CCDC91: variants seen among roughly 807,000 people sequenced by gnomAD.
CCDC91 encodes coiled-coil domain-containing protein 91.
In CCDC91, 48 loss-of-function variants were observed where a neutral mutation model predicts 63.2. That is an observed-to-expected ratio of 0.76 (90% CI 0.60 to 0.97). The LOEUF is 0.97. Among genes scored for constraint, CCDC91 ranks in the 50% least tolerant of loss-of-function variants. The pLI is 0.00. For missense variants in CCDC91, 500 were observed against 494.6 expected (o/e 1.01, Z -0.10); for synonymous variants, 167 against 165.8 (o/e 1.01, Z -0.06).
At chr12:28,496,910 CAT>C (rs959098468) in intron 12 of CCDC91, among the ~76,000 whole-genome samples, 3 of 145,160 alleles carry the variant, frequency 2.1e-5, no homozygotes, top group Admixed American at 1.4e-4. Flanking sequence ...TATATACACA[CAT>C]ATATAAGGTA....
At chr12:28,260,831 G>C (rs1946775331) in intron 3 of CCDC91, among the ~76,000 whole-genome samples, 1 of 151,946 alleles carries the variant, frequency 6.6e-6, no homozygotes, top group Non-Finnish European at 1.5e-5. Flanking sequence ...AATGGATAGG[G>C]AGAGCTGGGA....
chr12:28,398,015 A>T (rs1414425480), intron 8 of CCDC91, among the ~76,000 whole-genome samples: 2 of 152,130 alleles, frequency 1.3e-5, no homozygotes, highest in African/African-American at 4.8e-5. Flanking sequence ...TAGGTTATAT[A>T]TTTATTCTGT....
intron 12 of CCDC91, among the ~76,000 whole-genome samples, chr12:28,525,145 G>C (rs909409479): frequency 2.6e-5 from 4 of 151,910 alleles, no homozygotes; most frequent in Non-Finnish European, 4.4e-5. Context: ...TGCTGGGTTT[G>C]GGTTTGGTTT....
At chr12:28,283,218 G>A (rs952754362) in intron 3 of CCDC91, among the ~76,000 whole-genome samples, 6 of 119,350 alleles carry the variant, frequency 5.0e-5, no homozygotes, top group African/African-American at 1.3e-4. Flanking sequence ...TGAATTTTAG[G>A]ATTTTTTTTT....
At chr12:28,478,546 G>C (rs1951250850) in intron 11 of CCDC91, among the ~76,000 whole-genome samples, 1 of 152,100 alleles carries the variant, frequency 6.6e-6, no homozygotes, top group South Asian at 2.1e-4. Flanking sequence ...CAGGACATAG[G>C]CATGGGCAAG....
intron 1 of CCDC91, among the ~76,000 whole-genome samples, chr12:28,214,599 T>G (rs771345560): frequency 9.3e-5 from 14 of 151,034 alleles, no homozygotes; most frequent in Non-Finnish European, 1.3e-4. Context: ...GTGTGTGTGT[T>G]TGTTTTCTGT....
chr12:28,366,463 G>T (rs1435424030), intron 7 of CCDC91, among the ~76,000 whole-genome samples: 2 of 152,220 alleles, frequency 1.3e-5, no homozygotes, highest in Admixed American at 1.3e-4. Context: ...ACCATAGGAA[G>T]AAATGGCAGT....
chr12:28,242,753 G>A (rs549528564), intron 1 of CCDC91, among the ~76,000 whole-genome samples: 1 of 152,282 alleles, frequency 6.6e-6, no homozygotes, highest in South Asian at 2.1e-4. Context: ...AGTGCTGGAG[G>A]TAGGGCCTGG....
chr12:28,317,277 T>TA (rs1939995115), intron 6 of CCDC91, among the ~76,000 whole-genome samples: 1 of 152,068 alleles, frequency 6.6e-6, no homozygotes, highest in Non-Finnish European at 1.5e-5. Flanking sequence ...TTGAGACATC[T>TA]AAAAGCTATA....
chr12:28,249,173 G>T (rs1035116642), intron 1 of CCDC91, among the ~76,000 whole-genome samples: 1 of 152,164 alleles, frequency 6.6e-6, no homozygotes, highest in Non-Finnish European at 1.5e-5. Context: ...GAGAATGAGA[G>T]AAATAACTTT....
At chr12:28,524,272 T>A (rs1242416755) in intron 12 of CCDC91, among the ~76,000 whole-genome samples, 1 of 152,100 alleles carries the variant, frequency 6.6e-6, no homozygotes, top group Non-Finnish European at 1.5e-5. Context: ...TCATAAATGG[T>A]TTTTATTACC....
chr12:28,423,837 A>G, intron 8 of CCDC91, among the ~76,000 whole-genome samples: 1 of 152,210 alleles, frequency 6.6e-6, no homozygotes, highest in African/African-American at 2.4e-5. Context: ...GAGAAGAGGT[A>G]GCCCCAGTCT....
chr12:28,263,338 A>G (rs1159607557), intron 3 of CCDC91, among the ~76,000 whole-genome samples: 1 of 152,048 alleles, frequency 6.6e-6, no homozygotes, highest in Non-Finnish European at 1.5e-5. Context: ...CTCCGTATCC[A>G]GCAAACAACT....
intron 1 of CCDC91, among the ~76,000 whole-genome samples, chr12:28,243,852 GATT>G (rs758979082): frequency 2.6e-5 from 4 of 152,170 alleles, no homozygotes; most frequent in Non-Finnish European, 5.9e-5. Flanking sequence ...TTGAGGAATA[GATT>G]ATTCCAATCT....
intron 8 of CCDC91, among the ~76,000 whole-genome samples, chr12:28,403,091 G>A (rs566157710): frequency 1.3e-5 from 2 of 152,154 alleles, no homozygotes; most frequent in African/African-American, 4.8e-5. Context: ...TATGATTATT[G>A]ATCTATAGTT....
chr12:28,347,050 T>C (rs1215842639), intron 6 of CCDC91, among the ~76,000 whole-genome samples: 6 of 152,222 alleles, frequency 3.9e-5, no homozygotes, highest in Non-Finnish European at 7.3e-5. Context: ...ATCATAATAC[T>C]GGAGGCCATC....
At chr12:28,278,158 T>G (rs1948369222) in intron 3 of CCDC91, among the ~76,000 whole-genome samples, 1 of 152,066 alleles carries the variant, frequency 6.6e-6, no homozygotes, top group Non-Finnish European at 1.5e-5. Flanking sequence ...TGACTGTTCT[T>G]TTTCATTAAT....
intron 1 of CCDC91, among the ~76,000 whole-genome samples, chr12:28,245,927 G>A (rs145734181): frequency 7.2e-4 from 110 of 152,222 alleles, no homozygotes; most frequent in Non-Finnish European, 1.4e-3. Context: ...CTCAAGGGAA[G>A]TTCTGTGTAT....
intron 12 of CCDC91, among the ~76,000 whole-genome samples, chr12:28,503,754 C>T (rs1421515718): frequency 6.6e-6 from 1 of 152,102 alleles, no homozygotes; most frequent in Non-Finnish European, 1.5e-5. Context: ...ACTATGCAGC[C>T]ATAAAAAATG....
Sources: allele counts gnomAD v4.1 joint callset (sites outside exome capture counted in the v4.1 genomes callset), GRCh38; gene constraint gnomAD v4.1.1; transcripts MANE v1.5; gene names NCBI Gene and HGNC (gene_info 2026-07-23, HGNC 2026-07-21).